Variants in AHI1 observed in about 807,000 individuals in gnomAD.
AHI1 encodes the protein jouberin.
AHI1 carries 123 observed loss-of-function variants against 149.3 expected under a neutral mutation model. The observed-to-expected ratio is 0.82, with a 90% CI of 0.71 to 0.96. The LOEUF (loss-of-function observed/expected upper bound fraction) is 0.96, where lower values mean the gene tolerates loss of function less well. Ranked by LOEUF, AHI1 falls within the 40% of genes least tolerant of loss-of-function variation. The pLI is 0.00. For missense variants in AHI1, 1,439 were observed against 1,422.7 expected (o/e 1.01, Z -0.18); for synonymous variants, 475 against 459.8 (o/e 1.03, Z -0.42).
intron 3 of AHI1, among the ~76,000 whole-genome samples, chr6:135,493,620 T>TG (rs1795556515): frequency 6.6e-6 from 1 of 152,072 alleles, no homozygotes; most frequent in African/African-American, 2.4e-5. Flanking sequence ...AATGACAGCA[T>TG]GAGTAATTGA....
intron 24 of AHI1, among the ~76,000 whole-genome samples, chr6:135,357,257 TAC>T (rs1399139519): frequency 3.9e-5 from 6 of 152,116 alleles, no homozygotes; most frequent in Admixed American, 2.0e-4. Flanking sequence ...TCTTAATTGG[TAC>T]AGTTTGACTA....
chr6:135,300,869 AC>A (rs1783788261), intron 26 of AHI1: 3 of 1,055,258 alleles, frequency 2.8e-6, no homozygotes, highest in Non-Finnish European at 3.4e-6. Flanking sequence ...ATCTCCCAAT[AC>A]AATGTGGTAT....
At chr6:135,413,824 C>A (rs2127980559) in intron 20 of AHI1, among the ~76,000 whole-genome samples, 1 of 152,108 alleles carries the variant, frequency 6.6e-6, no homozygotes, top group African/African-American at 2.4e-5. Flanking sequence ...GACCTGTATA[C>A]TGAAAACTAA....
intron 5 of AHI1, among the ~76,000 whole-genome samples, chr6:135,485,169 G>A (rs1794297054): frequency 6.6e-6 from 1 of 151,860 alleles, no homozygotes; most frequent in Admixed American, 6.6e-5. Context: ...CACCTCCCGG[G>A]TTCAAGCAAT....
rs567010829 is a variant in AHI1, at chr6:135,389,701, G to A, written c.3109+5075C>T. Among the ~76,000 whole-genome samples the A allele has an allele frequency of 8.5e-5, 13 of 152,178 alleles. No homozygotes were observed. In the East Asian group the frequency reaches 9.6e-4, roughly 11 times the overall value. On this transcript the variant is annotated intron_variant, in intron 23 of 28. Transcript: ENST00000265602. The stretch of plus-strand genomic sequence containing the variant: ...TTTCTTTTGTTTGACTCGACTTATC[G>A]ATTTAATATGAATTAAATTTAATTT...
At chr6:135,463,406 T>C (rs1448316516) in intron 7 of AHI1, 100 bp from the exon 8 acceptor site, 1 of 994,818 alleles carries the variant, frequency 1.0e-6, no homozygotes, top group Non-Finnish European at 1.4e-6. Flanking sequence ...GCAAAGATAA[T>C]CCTAAAATCA....
At chr6:135,482,445 G>T (rs1221803381) in intron 5 of AHI1, among the ~76,000 whole-genome samples, 1 of 150,102 alleles carries the variant, frequency 6.7e-6, no homozygotes, top group Non-Finnish European at 1.5e-5. Context: ...TATAAACCTG[G>T]ACAGGCCATG....
In AHI1 at chr6:135,475,635, T is replaced by C. The variant is rs909638866; in HGVS notation, c.136-8001A>G. ...AAAACCATGAACATCAAGGCTTGGG[T>C]TGAGCTTCCCTGGGTGGCAACACTT... On this transcript the variant is annotated intron_variant, in intron 5 of 28. Coordinates refer to ENST00000265602, the MANE Select transcript of AHI1 (RefSeq NM_001134831.2). Among the ~76,000 whole-genome samples the C allele has an allele frequency of 1.1e-4, 17 of 152,126 alleles. 1 individual carries two copies. Among genetic ancestry groups the C allele is most frequent in the African/African-American group, 4.1e-4 (17 of 41,408 alleles).
intron 27 of AHI1, among the ~76,000 whole-genome samples, chr6:135,295,072 A>G (rs1034924810): frequency 2.6e-5 from 4 of 152,232 alleles, no homozygotes. Flanking sequence ...GACTCTTAAA[A>G]TTTAATAAAA....
chr6:135,368,736 G>A (rs558004254), intron 23 of AHI1, among the ~76,000 whole-genome samples: 12 of 151,414 alleles, frequency 7.9e-5, no homozygotes, highest in African/African-American at 2.5e-4. Context: ...TGCCACTCTC[G>A]TTCCCACTCT....
rs142036871 is a variant in AHI1, at chr6:135,336,372, C to G, written c.3166-13048G>C. 2.5e-3 allele frequency among the ~76,000 whole-genome samples: 382 copies of G among 151,904 alleles called. 5 individuals carry two copies. Among genetic ancestry groups the G allele is most frequent in the African/African-American group, 8.5e-3 (350 of 41,402 alleles). ...CAGCACTCTGGGAGGCTGAGGTGGG[C>G]GGATCGCTTGAGTCCAGGAGTTCGA... On this transcript the variant is annotated intron_variant, in intron 24 of 28. Coordinates refer to ENST00000265602, the MANE Select transcript of AHI1 (RefSeq NM_001134831.2).
intron 13 of AHI1, among the ~76,000 whole-genome samples, chr6:135,446,047 C>T (rs1326757334): frequency 6.6e-6 from 1 of 151,428 alleles, no homozygotes; most frequent in African/African-American, 2.4e-5. Flanking sequence ...CAGAGCAAGT[C>T]TCCGTCTCAA....
At chr6:135,435,581 C>A (rs148760579) in intron 15 of AHI1, among the ~76,000 whole-genome samples, 266 of 152,188 alleles carry the variant, frequency 1.7e-3, no homozygotes, top group African/African-American at 6.3e-3. Context: ...ACAAGGGAAG[C>A]GCATGAGAAA....
At chr6:135,484,946 C>T (rs982251937) in intron 5 of AHI1, among the ~76,000 whole-genome samples, 17 of 151,924 alleles carry the variant, frequency 1.1e-4, no homozygotes, top group African/African-American at 2.9e-4. Context: ...AAATATCTGC[C>T]TATTAGATTT....
chr6:135,305,107 A>C (rs1362292788), intron 26 of AHI1: 1 of 152,196 alleles, frequency 6.6e-6, no homozygotes, highest in Non-Finnish European at 1.5e-5. Flanking sequence ...TGTTATCAGC[A>C]GAGACCAGAA....
In AHI1 at chr6:135,467,581, A is replaced by G. The variant is rs762163673; in HGVS notation, c.189T>C (p.Asp63=). 1 of 1,607,232 alleles carries G rather than the reference A, an allele frequency of 6.2e-7. No homozygotes were observed. ...LHYMKETTSD[D]PDTIRSNLPH... is the part of the protein sequence containing the mutation. ...GGCTGTTAGTGTTAGCAGTACTTAC[A>G]TCATCACTTGTAGTTTCTTTCATAT... The change falls in exon 6 of 29, where the codon GAT becomes GAC. Residue 63 remains aspartate, a splice_region_variant and synonymous_variant. Transcript: ENST00000265602.
At chr6:135,396,825 A>C (rs1052587285) in intron 22 of AHI1, among the ~76,000 whole-genome samples, 2 of 151,638 alleles carry the variant, frequency 1.3e-5, no homozygotes, top group African/African-American at 4.8e-5. Flanking sequence ...ACACACACAC[A>C]CCTACATATA....
chr6:135,393,439 G>T (rs1302823297), intron 23 of AHI1, among the ~76,000 whole-genome samples: 3 of 152,126 alleles, frequency 2.0e-5, no homozygotes, highest in African/African-American at 7.2e-5. Context: ...AGCTGGTAGG[G>T]ATAGAGTGGT....
At chr6:135,444,780 A>G (rs1055612210) in intron 13 of AHI1, among the ~76,000 whole-genome samples, 1 of 152,242 alleles carries the variant, frequency 6.6e-6, no homozygotes, top group African/African-American at 2.4e-5. Context: ...CTCTCTTGTG[A>G]TATCACGTTA....
Sources: allele counts gnomAD v4.1 joint callset (sites outside exome capture counted in the v4.1 genomes callset), GRCh38; gene constraint gnomAD v4.1.1; transcripts MANE v1.5; gene names NCBI Gene and HGNC (gene_info 2026-07-23, HGNC 2026-07-21).